The following KATNAL2 variants were observed in gnomAD, a reference collection of about 807,000 sequenced individuals.
KATNAL2 encodes katanin p60 ATPase-containing subunit A-like 2.
In KATNAL2, 52 loss-of-function variants were observed where a neutral mutation model predicts 76.3. The observed-to-expected ratio is 0.68, with a 90% CI of 0.55 to 0.86. KATNAL2 has a LOEUF of 0.86. KATNAL2 is among the 40% of genes least tolerant of loss of function. The probability of loss-of-function intolerance (pLI) is 0.00; values close to 1 mark genes in which losing one functional copy is unlikely to be tolerated. For synonymous variants in KATNAL2, 243 were observed against 244.2 expected (o/e 1.00, Z 0.05); for missense variants, 660 against 668.9 (o/e 0.99, Z 0.15).
Position 47,033,945 on chromosome 18 carries a change from C to G in KATNAL2, c.52-12512C>G, listed in dbSNP as rs1569052414. 4 of 1,612,962 alleles carry G rather than the reference C, an allele frequency of 2.5e-6. No homozygotes were observed. In the Admixed American group the frequency reaches 6.7e-5, roughly 27 times the overall value. On this transcript the variant is annotated intron_variant, in intron 3 of 17. Transcript: ENST00000683218. ...CGGAATCAGCGCCGGCCGCCTGCAG[C>G]CTCTCTGACTGGCTTTCCTGGACAG...
intron 3 of KATNAL2, among the ~76,000 whole-genome samples, chr18:47,041,722 G>A (rs1019964312): frequency 7.9e-5 from 12 of 152,148 alleles, no homozygotes; most frequent in African/African-American, 2.9e-4. Flanking sequence ...AATACCAAGG[G>A]TTGCAATTGT....
At position 46,946,287 on chromosome 18, in the gene KATNAL2, A is replaced by C; in HGVS notation, c.-279A>C. The C allele has an allele frequency of 9.3e-7, 1 of 1,071,548 alleles. No homozygotes were observed. Among genetic ancestry groups the C allele is most frequent in the Non-Finnish European group, 1.1e-6 (1 of 878,584 alleles). 66.4% of individuals were successfully genotyped at this position (1,071,548 alleles called of 1,614,324 possible). A position where few individuals can be genotyped will look rare whatever the true frequency, so the allele number is the denominator to read the frequency against. ...TCTAATGAGAACAGGTCTGATGTGA[A>C]AGGAATTGGAGGAGAAGGGGAAGTT... On this transcript the variant is annotated 5_prime_UTR_variant, in exon 2 of 18. Transcript: ENST00000683218.
intron 15 of KATNAL2, among the ~76,000 whole-genome samples, chr18:47,095,814 G>A (rs2063208323): frequency 6.6e-6 from 1 of 152,218 alleles, no homozygotes; most frequent in Admixed American, 6.5e-5. Context: ...TTATTGCTGA[G>A]TATGAACAAG....
intron 8 of KATNAL2, among the ~76,000 whole-genome samples, chr18:47,062,125 A>G (rs762435658): frequency 6.6e-6 from 1 of 152,124 alleles, no homozygotes; most frequent in Non-Finnish European, 1.5e-5. Flanking sequence ...CGCACCTGTA[A>G]TCCCAGCCCT....
At chr18:47,035,159 C>A in intron 3 of KATNAL2, 1 of 1,612,058 alleles carries the variant, frequency 6.2e-7, no homozygotes, top group Middle Eastern at 2.2e-4. Context: ...ATGGGCAAGG[C>A]GGAGAGTTTC....
At chr18:47,082,869 C>T (rs572205916) in intron 15 of KATNAL2, among the ~76,000 whole-genome samples, 23 of 152,282 alleles carry the variant, frequency 1.5e-4, no homozygotes, top group African/African-American at 3.6e-4. Flanking sequence ...AGTTTCCCCC[C>T]GCAGAGGTTG....
At chr18:47,031,452 G>T (rs2060434715) in intron 3 of KATNAL2, among the ~76,000 whole-genome samples, 2 of 152,082 alleles carry the variant, frequency 1.3e-5, no homozygotes, top group South Asian at 2.1e-4. Context: ...TGGGGGCGGG[G>T]TGTGTTTCTT....
intron 10 of KATNAL2, among the ~76,000 whole-genome samples, 144 bp from the exon 11 acceptor site, chr18:47,066,848 TATATATATATATATATATATATATATATA>T (rs1370962723): frequency 6.7e-5 from 1 of 14,880 alleles, no homozygotes; most frequent in Non-Finnish European, 1.6e-4. Flanking sequence ...TATATGTGTT[TATATATATATATATATATATATATATATA>T]TATATATATA....
At chr18:47,082,285 G>A (rs2062562747) in intron 15 of KATNAL2, among the ~76,000 whole-genome samples, 1 of 152,096 alleles carries the variant, frequency 6.6e-6, no homozygotes, top group Non-Finnish European at 1.5e-5. Flanking sequence ...CAGCATCTCT[G>A]GCCCACTATC....
intron 8 of KATNAL2, among the ~76,000 whole-genome samples, chr18:47,062,325 G>A (rs372152169): frequency 2.0e-5 from 3 of 151,742 alleles, no homozygotes; most frequent in Non-Finnish European, 4.4e-5. Flanking sequence ...TTAAGGCTGC[G>A]GTGAGCTATG....
intron 15 of KATNAL2, among the ~76,000 whole-genome samples, chr18:47,084,779 G>A (rs1377150643): frequency 2.7e-5 from 4 of 149,418 alleles, no homozygotes; most frequent in African/African-American, 4.9e-5. Context: ...AACCTGGGAG[G>A]TGGAGGTTGC....
chr18:47,031,272 G>T (rs1599547163), intron 3 of KATNAL2, among the ~76,000 whole-genome samples: 1 of 151,912 alleles, frequency 6.6e-6, no homozygotes, highest in Non-Finnish European at 1.5e-5. Context: ...CACGGTTTGG[G>T]CAGCGGAGTT....
At chr18:47,070,572 C>T (rs756128299) in intron 13 of KATNAL2, among the ~76,000 whole-genome samples, 11 of 152,114 alleles carry the variant, frequency 7.2e-5, no homozygotes, top group Admixed American at 3.9e-4. Flanking sequence ...TAAACTATCA[C>T]GCTCTGTAGA....
chr18:47,084,072 T>A (rs2062652987), intron 15 of KATNAL2, among the ~76,000 whole-genome samples: 1 of 152,228 alleles, frequency 6.6e-6, no homozygotes, highest in Non-Finnish European at 1.5e-5. Context: ...ATGGTTCTGA[T>A]TCACTTGCAG....
chr18:46,920,087 G>A, intron 1 of KATNAL2: 1 of 1,289,668 alleles, frequency 7.8e-7, no homozygotes, highest in Non-Finnish European at 1.0e-6. Context: ...TTGCTTCCCA[G>A]CATTCATTCT....
At chr18:47,045,933 G>T (rs2061143155) in intron 3 of KATNAL2, among the ~76,000 whole-genome samples, 1 of 152,174 alleles carries the variant, frequency 6.6e-6, no homozygotes, top group Non-Finnish European at 1.5e-5. Context: ...TATGGCCTCT[G>T]CTATTCTCAG....
At chr18:47,035,974 A>G (rs1459467251) in intron 3 of KATNAL2, among the ~76,000 whole-genome samples, 2 of 152,140 alleles carry the variant, frequency 1.3e-5, no homozygotes, top group South Asian at 2.1e-4. Flanking sequence ...CAAAAATAAA[A>G]CCGGTAGATT....
intron 15 of KATNAL2, among the ~76,000 whole-genome samples, chr18:47,092,707 A>T (rs2063053923): frequency 6.6e-6 from 1 of 152,074 alleles, no homozygotes; most frequent in Non-Finnish European, 1.5e-5. Flanking sequence ...CTTGTCCTGC[A>T]CCTAGTCTAT....
intron 1 of KATNAL2, among the ~76,000 whole-genome samples, chr18:46,919,007 A>ATGTG (rs112427539): frequency 1.8e-3 from 262 of 143,308 alleles, no homozygotes; most frequent in African/African-American, 5.2e-3. Context: ...ATATATATAT[A>ATGTG]TGTGTGTGTG....
Sources: gnomAD v4.1 joint callset for allele counts (sites outside exome capture counted in the v4.1 genomes callset) on GRCh38, gnomAD v4.1.1 for gene constraint, MANE v1.5 for transcripts, NCBI Gene and HGNC (gene_info 2026-07-23, HGNC 2026-07-21) for gene names.